Variants in GRM5 observed in about 807,000 individuals in gnomAD.
The protein encoded by GRM5 is glutamate metabotropic receptor 5, also known as metabotropic glutamate receptor 5.
GRM5 carries 19 observed loss-of-function variants against 83.1 expected under a neutral mutation model. The observed-to-expected ratio is 0.23, with a 90% CI of 0.16 to 0.34. GRM5 has a LOEUF of 0.34. Ranked by LOEUF, GRM5 falls within the 10% of genes least tolerant of loss-of-function variation. The pLI is 1.00. For missense variants in GRM5, 1,160 were observed against 1,588.3 expected, an observed-to-expected ratio of 0.73 and a Z score of 4.58; for synonymous variants, 675 against 633.6, an observed-to-expected ratio of 1.07 and a Z score of -0.98.
At chr11:88,815,702 C>G (rs1187941255) in intron 3 of GRM5, among the ~76,000 whole-genome samples, 1 of 152,136 alleles carries the variant, frequency 6.6e-6, no homozygotes, top group Non-Finnish European at 1.5e-5. Context: ...CTCTTTTTAA[C>G]AACCACTGCT....
chr11:88,903,640 C>G (rs1945354666), intron 2 of GRM5, among the ~76,000 whole-genome samples: 2 of 152,142 alleles, frequency 1.3e-5, no homozygotes, highest in Non-Finnish European at 2.9e-5. Context: ...TAAAACAAAT[C>G]AGACACAGAA....
chr11:89,057,681 T>C (rs187879618), intron 1 of GRM5, among the ~76,000 whole-genome samples: 144 of 152,286 alleles, frequency 9.5e-4, no homozygotes, highest in African/African-American at 3.0e-3. Context: ...TTTAGACTTT[T>C]ACACATCCTG....
At position 89,007,131 on chromosome 11, in the gene GRM5, T is replaced by G. The variant is rs538330232; in HGVS notation, c.661+40081A>C. The stretch of plus-strand genomic sequence containing the variant: ...TTTAAAATCTTGCATCAAGTGTGCC[T>G]ATCCCACCCTTATTTATTAGGCCAC... On this transcript the variant is annotated intron_variant, in intron 2 of 9. Transcript: ENST00000305447. Among the ~76,000 whole-genome samples, 3 of 152,304 alleles carry G rather than the reference T, an allele frequency of 2.0e-5. No homozygotes were observed. The East Asian group carries it at 5.8e-4, about 29-fold the overall frequency.
intron 7 of GRM5, among the ~76,000 whole-genome samples, chr11:88,581,744 T>G (rs1400123590): frequency 2.0e-5 from 3 of 152,194 alleles, no homozygotes; most frequent in South Asian, 2.1e-4. Context: ...TAGGAAAGGA[T>G]AGTTCCCATA....
chr11:88,667,296 G>T (rs997404567), intron 3 of GRM5, among the ~76,000 whole-genome samples: 4 of 151,934 alleles, frequency 2.6e-5, no homozygotes, highest in African/African-American at 9.7e-5. Context: ...AGGGGGAGAA[G>T]AAAAAAGAGA....
chr11:88,759,391 CA>C (rs1942463531), intron 3 of GRM5, among the ~76,000 whole-genome samples: 1 of 152,116 alleles, frequency 6.6e-6, no homozygotes, highest in East Asian at 1.9e-4. Flanking sequence ...ATCTACCAAG[CA>C]AACAGAAAAC....
chr11:88,825,831 A>G (rs759773743), intron 3 of GRM5, among the ~76,000 whole-genome samples: 4 of 152,188 alleles, frequency 2.6e-5, no homozygotes, highest in African/African-American at 4.8e-5. Context: ...TGCAAATAAC[A>G]CTACATGTTT....
chr11:88,647,595 A>G (rs2135296678), intron 4 of GRM5, among the ~76,000 whole-genome samples: 1 of 152,290 alleles, frequency 6.6e-6, no homozygotes, highest in Non-Finnish European at 1.5e-5. Context: ...AGGCATGGGC[A>G]AGGACTTCAT....
chr11:88,885,460 T>G lies in GRM5; in HGVS notation c.662-35305A>C, dbSNP rs1220887054. Among the ~76,000 whole-genome samples, 214 of 111,518 alleles carry G rather than the reference T, an allele frequency of 1.9e-3. 16 individuals carry two copies. The highest frequency in any genetic ancestry group is 9.1e-3 in the African/African-American group (207 of 22,770). 73.2% of individuals were successfully genotyped at this position (111,518 alleles called of 152,430 possible). On this transcript the variant is annotated intron_variant, in intron 2 of 9. Transcript: ENST00000305447. ...TATAGTAGGTACCATGTTTTTTTTT[T>G]TTTTTTTTTTTTTTTTTTTTTTTTT... is the stretch of plus-strand genomic sequence containing the variant.
chr11:88,833,623 A>T (rs117670780), intron 3 of GRM5, among the ~76,000 whole-genome samples: 109 of 152,334 alleles, frequency 7.2e-4, no homozygotes, highest in Middle Eastern at 3.4e-3. Flanking sequence ...CTAGGTATGT[A>T]TCTGAAGAAA....
chr11:88,990,134 AAG>A lies in GRM5; in HGVS notation c.661+57076_661+57077del, dbSNP rs879639047. ...TGCTAGCAAGACTAATAAAGAAAAA[AAG>A]AGAGAAGAATCAAATAGATGCAATA... On this transcript the variant is annotated intron_variant, in intron 2 of 9. Coordinates refer to ENST00000305447, the MANE Select transcript of GRM5 (RefSeq NM_001143831.3). 6.5e-3 allele frequency among the ~76,000 whole-genome samples: 953 copies of A among 146,274 alleles called. 8 individuals carry two copies. The highest frequency in any genetic ancestry group is 6.5e-3 in the Non-Finnish European group (432 of 66,646).
intron 4 of GRM5, among the ~76,000 whole-genome samples, chr11:88,611,030 G>A (rs4435006): frequency 0.26 from 39,096 of 151,990 alleles, 5,099 homozygotes; most frequent in African/African-American, 0.31. Context: ...ATTGATTTGC[G>A]TATGTTAAAC....
intron 3 of GRM5, among the ~76,000 whole-genome samples, chr11:88,772,295 T>G (rs968982616): frequency 6.6e-6 from 1 of 152,110 alleles, no homozygotes; most frequent in African/African-American, 2.4e-5. Context: ...GACCCTCAAA[T>G]ACACATGAAG....
intron 4 of GRM5, among the ~76,000 whole-genome samples, chr11:88,648,078 T>C (rs1939513484): frequency 6.6e-6 from 1 of 152,068 alleles, no homozygotes; most frequent in African/African-American, 2.4e-5. Context: ...AGTTCAACCA[T>C]TGTGGAAGTC....
intron 2 of GRM5, among the ~76,000 whole-genome samples, chr11:88,892,422 G>A (rs1214505802): frequency 6.6e-6 from 1 of 151,766 alleles, no homozygotes; most frequent in African/African-American, 2.4e-5. Flanking sequence ...AAGTATTTGG[G>A]GATAAAAACC....
intron 2 of GRM5, among the ~76,000 whole-genome samples, chr11:88,981,792 T>C (rs1466492831): frequency 6.6e-6 from 1 of 152,190 alleles, no homozygotes; most frequent in Non-Finnish European, 1.5e-5. Flanking sequence ...CTCACTTTCT[T>C]CATCTGAAGA....
At chr11:88,622,739 A>G (rs1035300419) in intron 4 of GRM5, among the ~76,000 whole-genome samples, 1 of 152,186 alleles carries the variant, frequency 6.6e-6, no homozygotes, top group Non-Finnish European at 1.5e-5. Flanking sequence ...CAGAGATTTC[A>G]GTAAATATTT....
chr11:88,875,395 T>C (rs1944835043), intron 2 of GRM5, among the ~76,000 whole-genome samples: 1 of 152,002 alleles, frequency 6.6e-6, no homozygotes, highest in Admixed American at 6.6e-5. Context: ...TCTGGTTCTC[T>C]TACTCTTCTA....
intron 3 of GRM5, among the ~76,000 whole-genome samples, chr11:88,656,594 A>C (rs1363987754): frequency 2.6e-5 from 4 of 152,034 alleles, no homozygotes; most frequent in Non-Finnish European, 4.4e-5. Context: ...CATCTTTTGC[A>C]TGTTCGTGTT....
Sources: allele counts gnomAD v4.1 joint callset (sites outside exome capture counted in the v4.1 genomes callset), GRCh38; gene constraint gnomAD v4.1.1; transcripts MANE v1.5; gene names NCBI Gene and HGNC (gene_info 2026-07-23, HGNC 2026-07-21).